The following MAD1L1 variants were observed in gnomAD, a reference collection of about 807,000 sequenced individuals.
The protein encoded by MAD1L1 is mitotic spindle assembly checkpoint protein MAD1.
In MAD1L1, 95 loss-of-function variants were observed where a neutral mutation model predicts 96.9. The ratio of observed to expected loss-of-function variants is 0.98; its 90% CI spans 0.83 to 1.16. The LOEUF (loss-of-function observed/expected upper bound fraction) is 1.16. Among genes scored for constraint, MAD1L1 ranks in the 50% most tolerant of loss-of-function variants. The probability of loss-of-function intolerance (pLI) is 0.00; values close to 1 mark genes in which losing one functional copy is unlikely to be tolerated. For synonymous variants in MAD1L1, 473 were observed against 396.6 expected (o/e 1.19, Z -2.29); for missense variants, 1,007 against 954.4 (o/e 1.06, Z -0.73).
In MAD1L1 at chr7:2,184,565, G is replaced by A. The variant is rs181181867; in HGVS notation, c.986+28647C>T. ...CAATTTGACTTCTGGGTGCTCACTCGAGAGAATGGAAACATAGGAGCACAT... is the reference window on the plus strand; with the variant it reads ...CAATTTGACTTCTGGGTGCTCACTCAAGAGAATGGAAACATAGGAGCACAT... On this transcript the variant is annotated intron_variant, in intron 10 of 18. Transcript: ENST00000265854. Among the ~76,000 whole-genome samples, 290 of 152,242 alleles carry A rather than the reference G, an allele frequency of 1.9e-3. 2 individuals carry two copies. The highest frequency in any genetic ancestry group is 3.4e-3 in the Middle Eastern group (1 of 294).
At chr7:1,887,852 T>G (rs956419075) in intron 18 of MAD1L1, among the ~76,000 whole-genome samples, 35 of 17,778 alleles carry the variant, frequency 2.0e-3, no homozygotes, top group African/African-American at 0.018. Flanking sequence ...CCTGTGCGTG[T>G]GTGTGTGCAC....
At chr7:1,849,068 A>ATG (rs879400274) in intron 18 of MAD1L1, 45,088 of 141,532 alleles carry the variant, frequency 0.32, 7,095 homozygotes, top group East Asian at 0.44. Context: ...ACACACACAC[A>ATG]CACACAAATG....
chr7:1,857,557 C>T (rs1031629601), intron 18 of MAD1L1, among the ~76,000 whole-genome samples: 6 of 152,214 alleles, frequency 3.9e-5, no homozygotes, highest in Non-Finnish European at 8.8e-5. Context: ...TGCCCTGCTG[C>T]GGCTGGGATG....
chr7:2,128,907 A>G (rs925986273), intron 11 of MAD1L1, among the ~76,000 whole-genome samples: 1 of 152,228 alleles, frequency 6.6e-6, no homozygotes, highest in African/African-American at 2.4e-5. Flanking sequence ...CGCGGCAGTC[A>G]GGCACACGGA....
At position 2,219,319 on chromosome 7, in the gene MAD1L1, T is replaced by C. The variant is rs907793390; in HGVS notation, c.596+13A>G. ...TGACCCGACCCCCGACCCCACACCC[T>C]GGCCCCGCCCACTTGTGTTGCAGGT... On this transcript the variant is annotated intron_variant, in intron 6 of 18. Coordinates refer to ENST00000265854, the MANE Select transcript of MAD1L1 (RefSeq NM_001013836.2). 4.3e-6 allele frequency: 6 copies of C among 1,401,708 alleles called. No homozygotes were observed. Among genetic ancestry groups the C allele is most frequent in the Admixed American group, 4.0e-5 (2 of 49,580 alleles). 86.8% of individuals were successfully genotyped at this position (1,401,708 alleles called of 1,614,324 possible).
Position 2,057,486 on chromosome 7 carries a change from C to G in MAD1L1, c.1218+11708G>C, listed in dbSNP as rs184795762. Among the ~76,000 whole-genome samples the G allele has an allele frequency of 1.1e-4, 16 of 152,294 alleles. No individual in the cohort carries two copies. The East Asian group carries it at 2.7e-3, about 26-fold the overall frequency. On this transcript the variant is annotated intron_variant, in intron 12 of 18. Coordinates refer to ENST00000265854, the MANE Select transcript of MAD1L1 (RefSeq NM_001013836.2). ...CCAAGATTGCACCACTGCACTCCAG[C>G]CTGGACATCAGAACAAGACTCCATT... is the stretch of plus-strand genomic sequence containing the variant.
chr7:2,143,297 G>C (rs890003501), intron 11 of MAD1L1, among the ~76,000 whole-genome samples: 2 of 150,812 alleles, frequency 1.3e-5, no homozygotes, highest in Admixed American at 1.3e-4. Context: ...CCCCTCAAGT[G>C]CAAGAGGGGA....
intron 11 of MAD1L1, among the ~76,000 whole-genome samples, chr7:2,144,275 G>A (rs1584420558): frequency 6.6e-6 from 1 of 152,222 alleles, no homozygotes; most frequent in African/African-American, 2.4e-5. Flanking sequence ...CGCAGCGCAT[G>A]GTGAGGGCAG....
Position 2,142,903 on chromosome 7 carries a change from G to A in MAD1L1, c.1073+6249C>T, listed in dbSNP as rs988399497. 6.6e-6 allele frequency among the ~76,000 whole-genome samples: 1 copy of A among 152,132 alleles called. No individual in the cohort carries two copies. The highest frequency in any genetic ancestry group is 1.5e-5 in the Non-Finnish European group (1 of 68,012). On this transcript the variant is annotated intron_variant, in intron 11 of 18. Coordinates refer to ENST00000265854, the MANE Select transcript of MAD1L1 (RefSeq NM_001013836.2). This position sits in a 1 kb window ranked among gnomAD's most constrained non-coding sequence, Gnocchi z 4.7. ...CCCACACTGATCCACGGCAAATTCC[G>A]TCACCTTGACCTCCCAGATGCCCCC...
intron 17 of MAD1L1, among the ~76,000 whole-genome samples, chr7:1,901,226 T>TC (rs1397808419): frequency 2.0e-5 from 3 of 152,194 alleles, no homozygotes; most frequent in Admixed American, 2.0e-4. Context: ...GTGGCTTACA[T>TC]CAACGTGAAT....
At chr7:2,186,252 A>G (rs1791453868) in intron 10 of MAD1L1, among the ~76,000 whole-genome samples, 2 of 152,258 alleles carry the variant, frequency 1.3e-5, no homozygotes, top group Admixed American at 6.5e-5. Flanking sequence ...GTTTAATGAA[A>G]TGGTATTCAC....
At chr7:2,047,312 C>A (rs1420070221) in intron 12 of MAD1L1, among the ~76,000 whole-genome samples, 1 of 152,230 alleles carries the variant, frequency 6.6e-6, no homozygotes, top group African/African-American at 2.4e-5. Context: ...GGGGGCCTGT[C>A]TGCAGACCGT....
intron 18 of MAD1L1, among the ~76,000 whole-genome samples, chr7:1,832,841 A>AG (rs1782775266): frequency 1.3e-5 from 2 of 152,076 alleles, no homozygotes; most frequent in South Asian, 4.1e-4. Context: ...CATGTTGGCC[A>AG]GGCTGGTCTC....
At chr7:1,965,260 T>C (rs756087900) in intron 15 of MAD1L1, among the ~76,000 whole-genome samples, 7 of 152,162 alleles carry the variant, frequency 4.6e-5, no homozygotes, top group Non-Finnish European at 1.0e-4. Flanking sequence ...TCGCTGCGTG[T>C]CCTGACACGG....
chr7:1,869,628 C>T (rs1784946912), intron 18 of MAD1L1, among the ~76,000 whole-genome samples: 2 of 152,194 alleles, frequency 1.3e-5, no homozygotes, highest in African/African-American at 4.8e-5. Context: ...CTGGCTGTGC[C>T]ATCCATCTCC....
intron 11 of MAD1L1, among the ~76,000 whole-genome samples, chr7:2,137,773 G>T (rs905425537): frequency 2.0e-5 from 3 of 152,188 alleles, no homozygotes; most frequent in East Asian, 3.9e-4. Context: ...CTCCAGGAAA[G>T]GTCTCCTGAC....
At chr7:2,129,053 A>C (rs1244277619) in intron 11 of MAD1L1, among the ~76,000 whole-genome samples, 1 of 152,164 alleles carries the variant, frequency 6.6e-6, no homozygotes, top group Non-Finnish European at 1.5e-5. Context: ...CGACCCCACC[A>C]CGAGGACAAA....
intron 12 of MAD1L1, among the ~76,000 whole-genome samples, chr7:2,061,088 C>T (rs1784641710): frequency 6.6e-6 from 1 of 152,256 alleles, no homozygotes; most frequent in African/African-American, 2.4e-5. Flanking sequence ...CCTGTAATCT[C>T]AACACTTTGG....
chr7:2,091,062 C>A (rs1268648525), intron 11 of MAD1L1, among the ~76,000 whole-genome samples: 1 of 152,222 alleles, frequency 6.6e-6, no homozygotes, highest in East Asian at 1.9e-4. Flanking sequence ...ACTTCATTTT[C>A]TTGCTGCAAG....
Sources: allele counts gnomAD v4.1 joint callset (sites outside exome capture counted in the v4.1 genomes callset), GRCh38; gene constraint gnomAD v4.1.1; non-coding constraint Gnocchi (gnomAD v3.1); transcripts MANE v1.5; gene names NCBI Gene and HGNC (gene_info 2026-07-23, HGNC 2026-07-21).